SERPINA1: variants seen among roughly 807,000 people sequenced by gnomAD.
The protein encoded by SERPINA1 is alpha-1-antitrypsin.
In SERPINA1, 21 loss-of-function variants were observed where a neutral mutation model predicts 25.4. The observed-to-expected ratio is 0.83, with a 90% CI of 0.59 to 1.19. The LOEUF (loss-of-function observed/expected upper bound fraction) is 1.19, where lower values mean the gene tolerates loss of function less well. Among genes scored for constraint, SERPINA1 ranks in the 50% most tolerant of loss-of-function variants. SERPINA1 has a pLI of 0.00. For missense variants in SERPINA1, 546 were observed against 509.0 expected (o/e 1.07, Z -0.70); for synonymous variants, 218 against 211.1 (o/e 1.03, Z -0.29).
Position 94,383,035 on chromosome 14 carries a change from T to G in SERPINA1, c.203A>C (p.Gln68Pro). Residue 68 changes from glutamine (Q) to proline (P), a missense_variant, in exon 2 of 5, where the codon CAG (glutamine) becomes CCG (proline). Physicochemically the swap from Gln to Pro is moderately conservative, Grantham distance 76 (BLOSUM62 -1). Coordinates refer to ENST00000393087, the MANE Select transcript of SERPINA1 (RefSeq NM_000295.5). ...AFSLYRQLAH[Q>P]SNSTNIFFSP... ...GAAGAAGATATTGGTGCTGTTGGAC[T>G]GGTGTGCCAGCTGGCGGTATAGGCT... 1 of 1,612,722 alleles carries G rather than the reference T, an allele frequency of 6.2e-7. No homozygotes were observed. The highest frequency in any genetic ancestry group is 8.5e-7 in the Non-Finnish European group (1 of 1,178,718).
intron 2 of SERPINA1, among the ~76,000 whole-genome samples, chr14:94,381,632 C>T (rs1470456455): frequency 1.3e-5 from 2 of 152,224 alleles, no homozygotes; most frequent in Admixed American, 1.3e-4. Context: ...GCCTGAGCAG[C>T]CTCCCCTCTG....
At position 94,378,225 on chromosome 14, in the gene SERPINA1, C is replaced by T. The variant is rs2073333; in HGVS notation, c.*224G>A. 154,866 of 595,802 alleles carry T rather than the reference C, an allele frequency of 0.26. 21,857 individuals carry two copies. The highest frequency in any genetic ancestry group is 0.42 in the South Asian group (20,660 of 49,188). 36.9% of individuals were successfully genotyped at this position (595,802 alleles called of 1,614,324 possible). Reference sequence around the variant, plus strand: ...CAGTCCCCCCTGGATTCAAGCCCAGCATGTGCCTACCCAGCCAGATGCTCC... The same window carrying T: ...CAGTCCCCCCTGGATTCAAGCCCAGTATGTGCCTACCCAGCCAGATGCTCC... On this transcript the variant is annotated 3_prime_UTR_variant, in exon 5 of 5. Transcript: ENST00000393087.
chr14:94,383,011 A>G lies in SERPINA1; in HGVS notation c.227T>C (p.Phe76Ser), dbSNP rs1555369172. 1 of 1,609,676 alleles carries G rather than the reference A, an allele frequency of 6.2e-7. No individual in the cohort carries two copies. The highest frequency in any genetic ancestry group is 8.5e-7 in the Non-Finnish European group (1 of 1,176,332). The stretch of plus-strand genomic sequence containing the variant: ...GGCTGTAGCGATGCTCACTGGGGAG[A>G]AGAAGATATTGGTGCTGTTGGACTG... The part of the protein sequence containing the change: ...AHQSNSTNIF[F>S]SPVSIATAFA... Residue 76 changes from phenylalanine to serine, a missense_variant, in exon 2 of 5, where the codon TTC (phenylalanine) becomes TCC (serine). By Grantham distance (155) the Phe-to-Ser change is radical. Transcript: ENST00000393087.
intron 1 of SERPINA1, among the ~76,000 whole-genome samples, chr14:94,387,770 T>C (rs1039250739): frequency 6.6e-6 from 1 of 152,144 alleles, no homozygotes; most frequent in African/African-American, 2.4e-5. Flanking sequence ...GTTATTCACC[T>C]CTCTGTCCCC....
chr14:94,382,610 T>C lies in SERPINA1; in HGVS notation c.628A>G (p.Asn210Asp). 6.2e-7 allele frequency: 1 copy of C among 1,614,216 alleles called. No individual in the cohort carries two copies. Among genetic ancestry groups the C allele is most frequent in the Non-Finnish European group, 8.5e-7 (1 of 1,180,046 alleles). The change falls in exon 2 of 5, where the codon AAT (asparagine) becomes GAT (aspartate). Residue 210 changes from asparagine (N) to aspartate (D), a missense_variant. Asn to Asp is a conservative substitution (Grantham distance 23). Transcript: ENST00000393087. ...LDRDTVFALVNYIFFKGKWER... is the reference protein window; with the variant it reads ...LDRDTVFALVDYIFFKGKWER... Reference sequence around the variant, plus strand: ...ACCTTACCTTTAAAGAAGATGTAATTCACCAGAGCAAAAACTGTGTCTCTG... The same window carrying C: ...ACCTTACCTTTAAAGAAGATGTAATCCACCAGAGCAAAAACTGTGTCTCTG...
chr14:94,382,755 C>A lies in SERPINA1; in HGVS notation c.483G>T (p.Leu161Phe), dbSNP rs1030600584. The change falls in exon 2 of 5, where the codon TTG becomes TTT. Residue 161 changes from leucine to phenylalanine, a missense_variant. Leu to Phe is a conservative substitution (Grantham distance 22). Coordinates refer to ENST00000393087, the MANE Select transcript of SERPINA1 (RefSeq NM_000295.5). ...TGACAGTGAAGGCTTCTGAGTGGTA[C>A]AACTTTTTAACATCCTCCAAAAACT... The part of the protein sequence containing the change: ...VDKFLEDVKK[L>F]YHSEAFTVNF... The A allele has an allele frequency of 1.1e-5, 18 of 1,614,254 alleles. No individual in the cohort carries two copies. Among genetic ancestry groups the A allele is most frequent in the Non-Finnish European group, 1.5e-5 (18 of 1,180,046 alleles).
At position 94,379,537 on chromosome 14, in the gene SERPINA1, C is replaced by G; in HGVS notation, c.992G>C (p.Gly331Ala). The change falls in exon 4 of 5, where the codon GGC becomes GCC. Residue 331 changes from glycine (G) to alanine (A), a missense_variant. Coordinates refer to ENST00000393087, the MANE Select transcript of SERPINA1 (RefSeq NM_000295.5). ...YDLKSVLGQL[G>A]ITKVFSNGAD... ...CCCATTGCTGAAGACCTTAGTGATG[C>G]CCAGTTGACCCAGGACGCTCTTCAG... The G allele has an allele frequency of 1.2e-6, 2 of 1,614,184 alleles. No individual in the cohort carries two copies. The highest frequency in any genetic ancestry group is 1.7e-6 in the Non-Finnish European group (2 of 1,180,044).
intron 1 of SERPINA1, among the ~76,000 whole-genome samples, chr14:94,386,007 C>G (rs1346907103): frequency 6.6e-6 from 1 of 152,184 alleles, no homozygotes; most frequent in African/African-American, 2.4e-5. Flanking sequence ...TGATGAATGT[C>G]AGAATTGGGC....
At chr14:94,384,259 C>A (rs1161779693) in intron 1 of SERPINA1, 1 of 152,132 alleles carries the variant, frequency 6.6e-6, no homozygotes, top group Non-Finnish European at 1.5e-5. Flanking sequence ...TCTCCCTGGT[C>A]CTCATTTTGC....
chr14:94,382,574 C>T lies in SERPINA1; in HGVS notation c.646+18G>A, dbSNP rs1409494337. ...CTTGTTTCTATGGGAACAGCTCAGG[C>T]TGGTTGAGCAACCTTACCTTTAAAG... On this transcript the variant is annotated intron_variant, in intron 2 of 4. Coordinates refer to ENST00000393087, the MANE Select transcript of SERPINA1 (RefSeq NM_000295.5). The T allele has an allele frequency of 6.2e-7, 1 of 1,614,212 alleles. No individual in the cohort carries two copies. The highest frequency in any genetic ancestry group is 2.2e-5 in the East Asian group (1 of 44,890).
At position 94,378,527 on chromosome 14, in the gene SERPINA1, G is replaced by A. The variant is rs746728426; in HGVS notation, c.1179C>T (p.Pro393=). 5.0e-6 allele frequency: 8 copies of A among 1,614,014 alleles called. No homozygotes were observed. The highest frequency in any genetic ancestry group is 6.8e-6 in the Non-Finnish European group (8 of 1,180,036). The change falls in exon 5 of 5, where the codon CCC becomes CCT. Residue 393 remains proline, a synonymous_variant. Coordinates refer to ENST00000393087, the MANE Select transcript of SERPINA1 (RefSeq NM_000295.5). ...TTTGTTCAATCATTAAGAAGACAAA[G>A]GGTTTGTTGAACTTGACCTCGGGGG... The part of the protein sequence containing the change: ...SIPPEVKFNK[P]FVFLMIEQNT...
Position 94,378,645 on chromosome 14 carries a change from A to AG in SERPINA1, c.1066-6dup. 6.2e-7 allele frequency: 1 copy of AG among 1,613,262 alleles called. No homozygotes were observed. The highest frequency in any genetic ancestry group is 8.5e-7 in the Non-Finnish European group (1 of 1,179,732). On this transcript the variant is annotated splice_polypyrimidine_tract_variant and splice_region_variant and intron_variant, in intron 4 of 4. Transcript: ENST00000393087. ...CAGCACAGCCTTATGCACGGCCTGG[A>AG]GGGGAGAGAAGCAGAGACACGTTGT...
intron 1 of SERPINA1, among the ~76,000 whole-genome samples, chr14:94,387,276 ATGAGAAAGG>A (rs1272221212): frequency 6.6e-6 from 1 of 152,234 alleles, no homozygotes; most frequent in African/African-American, 2.4e-5. Context: ...TTTCCTGGAG[ATGAGAAAGG>A]TGGACTTTGT....
In SERPINA1 at chr14:94,387,132, G is replaced by C. The variant is rs112231247; in HGVS notation, c.-5+1428C>G. Among the ~76,000 whole-genome samples the C allele has an allele frequency of 2.9e-3, 446 of 152,326 alleles. 4 individuals carry two copies. Among genetic ancestry groups the C allele is most frequent in the African/African-American group, 0.01 (425 of 41,580 alleles). On this transcript the variant is annotated intron_variant, in intron 1 of 4. Transcript: ENST00000393087. Reference sequence around the variant, plus strand: ...AAGTCTTGAATCAGAAAACTTCAGAGGCAGCCTGGCTAAATGAAGAGGGGA... The same window carrying C: ...AAGTCTTGAATCAGAAAACTTCAGACGCAGCCTGGCTAAATGAAGAGGGGA...
Position 94,382,637 on chromosome 14 carries a change from CAA to C in SERPINA1, c.599_600del (p.Leu200ArgfsTer15). The stretch of plus-strand genomic sequence containing the variant: ...ACCAGAGCAAAAACTGTGTCTCTGT[CAA>C]GCTCCTTGACCAAATCCACAATTTT... ...QGKIVDLVKE[L>X]DRDTVFALVN... On this transcript the variant is annotated frameshift_variant, in exon 2 of 5. Coordinates refer to ENST00000393087, the MANE Select transcript of SERPINA1 (RefSeq NM_000295.5). LOFTEE classifies it high-confidence loss of function. 6.2e-7 allele frequency: 1 copy of C among 1,614,230 alleles called. No individual in the cohort carries two copies. The highest frequency in any genetic ancestry group is 8.5e-7 in the Non-Finnish European group (1 of 1,180,044).
chr14:94,384,777 G>T (rs1305875988), intron 1 of SERPINA1, among the ~76,000 whole-genome samples: 1 of 152,094 alleles, frequency 6.6e-6, no homozygotes, highest in Admixed American at 6.5e-5. Flanking sequence ...AAAAACTGGA[G>T]AAAAAAAGCT....
chr14:94,387,560 G>A (rs57786536), intron 1 of SERPINA1, among the ~76,000 whole-genome samples: 1 of 152,150 alleles, frequency 6.6e-6, no homozygotes, highest in Non-Finnish European at 1.5e-5. Context: ...ATCATGTTTT[G>A]CCCAAGAGAA....
At position 94,379,579 on chromosome 14, in the gene SERPINA1, A is replaced by C; in HGVS notation, c.950T>G (p.Ile317Ser). ...GCTCTTCAGATCATAGGTTCCAGTA[A>C]TGGACAGTTTGGGTAAATGTAAGCT... is the stretch of plus-strand genomic sequence containing the variant. ...SASLHLPKLS[I>S]TGTYDLKSVL... Residue 317 changes from isoleucine (I) to serine (S), a missense_variant, in exon 4 of 5, where the codon ATT becomes AGT. By Grantham distance (142) the Ile-to-Ser change is moderately radical. Transcript: ENST00000393087. 1 of 1,614,228 alleles carries C rather than the reference A, an allele frequency of 6.2e-7. No homozygotes were observed. The highest frequency in any genetic ancestry group is 8.5e-7 in the Non-Finnish European group (1 of 1,180,042).
At position 94,376,840 on chromosome 14, in the gene SERPINA1, T is replaced by A. The variant is rs1361588948; in HGVS notation, c.*1609A>T. The A allele has an allele frequency of 1.3e-5, 2 of 152,228 alleles. No individual in the cohort carries two copies. The highest frequency in any genetic ancestry group is 2.4e-5 in the African/African-American group (1 of 41,440). 9.4% of individuals were successfully genotyped at this position (152,228 alleles called of 1,614,324 possible). On this transcript the variant is annotated 3_prime_UTR_variant, in exon 5 of 5. Transcript: ENST00000393087. ...ATCATACCAACTCAAAGGCAGGTCT[T>A]ACTAGCAATGACTGGGGCTCAGAGA...
Sources: gnomAD v4.1 joint callset for allele counts (sites outside exome capture counted in the v4.1 genomes callset) on GRCh38, gnomAD v4.1.1 for gene constraint, MANE v1.5 for transcripts, NCBI Gene and HGNC (gene_info 2026-07-23, HGNC 2026-07-21) for gene names.